Variants in PKHD1 observed in about 807,000 individuals in gnomAD.
PKHD1 encodes fibrocystin.
A neutral mutation model predicts 412.0 loss-of-function variants in PKHD1; 291 were observed. The observed-to-expected ratio is 0.71, with a 90% CI of 0.64 to 0.78. PKHD1 has a LOEUF of 0.78. PKHD1 is among the 30% of genes least tolerant of loss of function. The pLI, the probability that PKHD1 is intolerant of heterozygous loss-of-function variation, is 0.00. For missense variants in PKHD1, 4,825 were observed against 4,950.7 expected (o/e 0.97, Z 0.76); for synonymous variants, 1,777 against 1,821.5 (o/e 0.98, Z 0.62).
At chr6:52,008,753 T>C (rs1003241763) in intron 35 of PKHD1, among the ~76,000 whole-genome samples, 4 of 152,086 alleles carry the variant, frequency 2.6e-5, no homozygotes, top group African/African-American at 9.7e-5. Flanking sequence ...GTGGGAACTA[T>C]TATTGACCCT....
At chr6:51,832,490 A>G (rs1280341151) in intron 51 of PKHD1, among the ~76,000 whole-genome samples, 1 of 152,064 alleles carries the variant, frequency 6.6e-6, no homozygotes, top group Non-Finnish European at 1.5e-5. Flanking sequence ...CAGAGTATGA[A>G]AGATAATAAA....
chr6:51,853,607 G>A (rs968870309), intron 49 of PKHD1, among the ~76,000 whole-genome samples: 1 of 152,132 alleles, frequency 6.6e-6, no homozygotes, highest in African/African-American at 2.4e-5. Flanking sequence ...ATTTCTTGGA[G>A]ACCTTGTTCA....
intron 49 of PKHD1, among the ~76,000 whole-genome samples, chr6:51,855,471 C>G (rs528530475): frequency 6.6e-6 from 1 of 152,276 alleles, no homozygotes; most frequent in Admixed American, 6.5e-5. Flanking sequence ...TCTTTGACCA[C>G]AAGGTGGCAG....
At chr6:51,755,612 C>G (rs1786855694) in intron 55 of PKHD1, among the ~76,000 whole-genome samples, 1 of 152,178 alleles carries the variant, frequency 6.6e-6, no homozygotes. Flanking sequence ...TTCAGTCTTT[C>G]ACTGCCGCCT....
At chr6:51,669,416 T>G (rs541182217) in intron 60 of PKHD1, among the ~76,000 whole-genome samples, 70 of 151,952 alleles carry the variant, frequency 4.6e-4, no homozygotes, top group African/African-American at 1.6e-3. Context: ...TTTTTATTGC[T>G]TCTATTTGAT....
chr6:51,908,714 T>A (rs1782510850), intron 40 of PKHD1, among the ~76,000 whole-genome samples: 1 of 151,970 alleles, frequency 6.6e-6, no homozygotes, highest in Admixed American at 6.6e-5. Context: ...CCTTCTTATA[T>A]CTTCATGTCT....
intron 48 of PKHD1, among the ~76,000 whole-genome samples, chr6:51,865,968 T>C (rs2151749584): frequency 6.6e-6 from 1 of 152,250 alleles, no homozygotes; most frequent in South Asian, 2.1e-4. Flanking sequence ...CAGACTTTAA[T>C]ACCAATCACC....
chr6:51,982,895 A>T (rs577441871), intron 35 of PKHD1, among the ~76,000 whole-genome samples: 37 of 138,894 alleles, frequency 2.7e-4, no homozygotes, highest in South Asian at 1.6e-3. Flanking sequence ...TAAAATAAAA[A>T]AAAGAGAGGC....
chr6:51,709,316 A>G (rs1385224968), intron 60 of PKHD1, among the ~76,000 whole-genome samples: 3 of 152,228 alleles, frequency 2.0e-5, no homozygotes, highest in African/African-American at 7.2e-5. Flanking sequence ...GCTGGTGTCC[A>G]CAAAAAGGCC....
chr6:51,940,756 G>A (rs2474888), intron 36 of PKHD1, among the ~76,000 whole-genome samples: 103,804 of 151,042 alleles, frequency 0.69, 36,902 homozygotes, highest in East Asian at 0.94. Context: ...TAGTCAATAC[G>A]GAGGCTACCC....
intron 37 of PKHD1, among the ~76,000 whole-genome samples, chr6:51,917,493 T>G: frequency 6.6e-6 from 1 of 151,958 alleles, no homozygotes; most frequent in Admixed American, 6.6e-5. Flanking sequence ...AGAAGTGCAC[T>G]GTGCAAGGTG....
rs1782106265 is a variant in PKHD1 at position 51,906,418 on chromosome 6, G to A, written c.6683-78C>T. 1.2e-5 allele frequency: 13 copies of A among 1,079,108 alleles called. No individual in the cohort carries two copies. The South Asian group carries it at 1.6e-4, about 13-fold the overall frequency. 66.8% of individuals were successfully genotyped at this position (1,079,108 alleles called of 1,614,324 possible). ...GACCATATTTAGAGCAACCTACACTGTAGCTAAAGACATTCTCCCACACAA... is the reference window on the plus strand; with the variant it reads ...GACCATATTTAGAGCAACCTACACTATAGCTAAAGACATTCTCCCACACAA... On this transcript the variant is annotated intron_variant, in intron 40 of 66. Transcript: ENST00000371117.
chr6:52,083,051 C>A, intron 3 of PKHD1, 127 bp downstream of exon 3: 1 of 731,108 alleles, frequency 1.4e-6, no homozygotes, highest in Admixed American at 1.9e-5. Flanking sequence ...GTTGGTCAGT[C>A]TGTTCGTCTC....
chr6:51,665,039 A>T (rs935592472), intron 60 of PKHD1, among the ~76,000 whole-genome samples: 5 of 152,130 alleles, frequency 3.3e-5, no homozygotes, highest in African/African-American at 9.6e-5. Context: ...TCAAGATAAG[A>T]ATAAAGAATA....
At chr6:51,622,129 T>C (rs1479211415) in intron 66 of PKHD1, among the ~76,000 whole-genome samples, 1 of 152,206 alleles carries the variant, frequency 6.6e-6, no homozygotes, top group Admixed American at 6.5e-5. Context: ...GAGGACTCAC[T>C]GGTTCTGGGT....
intron 55 of PKHD1, among the ~76,000 whole-genome samples, chr6:51,766,358 C>CT (rs1280290822): frequency 1.3e-5 from 2 of 152,028 alleles, no homozygotes; most frequent in African/African-American, 4.8e-5. Flanking sequence ...ATTTTTATTT[C>CT]TTTATCTACA....
At position 52,016,635 on chromosome 6, in the gene PKHD1, CAAAAAAAAA is replaced by C. The variant is rs10579713; in HGVS notation, c.5600+766_5600+774del. On this transcript the variant is annotated intron_variant, in intron 34 of 66. Transcript: ENST00000371117. ...TTGGCGACAGAACAAGACTCTGTCT[CAAAAAAAAA>C]AAAAAAAAAAGAAAAGAAAAAGAAA... Among the ~76,000 whole-genome samples the C allele has an allele frequency of 8.4e-3, 994 of 118,908 alleles. 7 individuals are homozygous for C. Among genetic ancestry groups the C allele is most frequent in the Non-Finnish European group, 0.011 (632 of 58,486 alleles). The allele number at this position is 118,908 out of a possible 152,430, so 78.0% of individuals were successfully genotyped here. A position where few individuals can be genotyped will look rare whatever the true frequency, so the allele number is the denominator to read the frequency against.
intron 22 of PKHD1, among the ~76,000 whole-genome samples, chr6:52,049,465 A>AAT (rs887846629): frequency 6.6e-6 from 1 of 152,142 alleles, no homozygotes; most frequent in African/African-American, 2.4e-5. Context: ...ATACACTGTG[A>AAT]ATATATATAT....
chr6:51,688,513 A>C lies in PKHD1; in HGVS notation c.10157-28544T>G, dbSNP rs1582093037. Among the ~76,000 whole-genome samples the C allele has an allele frequency of 6.6e-5, 10 of 152,150 alleles. No homozygotes were observed. The South Asian group carries it at 2.1e-3, about 32-fold the overall frequency. ...CTGAAAGAGATAGAAACACACACAAAAAAAAAAATTCAAAAAATCAACACA... is the reference window on the plus strand; with the variant it reads ...CTGAAAGAGATAGAAACACACACAACAAAAAAAATTCAAAAAATCAACACA... On this transcript the variant is annotated intron_variant, in intron 60 of 66. Coordinates refer to ENST00000371117, the MANE Select transcript of PKHD1 (RefSeq NM_138694.4).
Sources: gnomAD v4.1 joint callset for allele counts (sites outside exome capture counted in the v4.1 genomes callset) on GRCh38, gnomAD v4.1.1 for gene constraint, MANE v1.5 for transcripts, NCBI Gene and HGNC (gene_info 2026-07-23, HGNC 2026-07-21) for gene names.